The following LRRC7 variants were observed in gnomAD, a reference collection of about 807,000 sequenced individuals.
The protein encoded by LRRC7 is leucine-rich repeat-containing protein 7.
Under a neutral mutation model 175.7 loss-of-function variants are expected in LRRC7, and 23 were observed. The ratio of observed to expected loss-of-function variants is 0.13; its 90% CI spans 0.09 to 0.19. LRRC7 has a LOEUF of 0.19. LRRC7 is among the 10% of genes least tolerant of loss of function. The probability of loss-of-function intolerance (pLI) is 1.00; values close to 1 mark genes in which losing one functional copy is unlikely to be tolerated. For synonymous variants in LRRC7, 685 were observed against 680.9 expected (o/e 1.01, Z -0.09); for missense variants, 1,354 against 1,904.7 (o/e 0.71, Z 5.38).
In LRRC7 at chr1:70,130,429, G is replaced by C. The variant is rs1280443713; in HGVS notation, c.*8542G>C. On this transcript the variant is annotated 3_prime_UTR_variant, in exon 27 of 27. Coordinates refer to ENST00000651989, the MANE Select transcript of LRRC7 (RefSeq NM_001370785.2). ...AACAGCAAATTGATCTTCAGTTTGT[G>C]TAACCTTAAACTACCAACCTTTCAT... 1.3e-5 allele frequency among the ~76,000 whole-genome samples: 2 copies of C among 152,162 alleles called. No individual in the cohort carries two copies. Among genetic ancestry groups the C allele is most frequent in the Non-Finnish European group, 2.9e-5 (2 of 68,030 alleles).
chr1:69,727,989 C>T (rs975481353), intron 2 of LRRC7, among the ~76,000 whole-genome samples: 19 of 152,118 alleles, frequency 1.2e-4, no homozygotes, highest in Admixed American at 6.5e-4. Context: ...TTTTATCACC[C>T]TGTGTCTTTC....
At chr1:69,844,981 C>T (rs1682178327) in intron 7 of LRRC7, among the ~76,000 whole-genome samples, 1 of 152,060 alleles carries the variant, frequency 6.6e-6, no homozygotes, top group Non-Finnish European at 1.5e-5. Context: ...AATGCTAAGG[C>T]CATGAGGCCT....
At chr1:69,648,558 C>A (rs1430386257) in intron 1 of LRRC7, among the ~76,000 whole-genome samples, 3 of 152,162 alleles carry the variant, frequency 2.0e-5, no homozygotes, top group Admixed American at 6.6e-5. Flanking sequence ...TCTCTCCCAC[C>A]ACAGGGGCCT....
intron 7 of LRRC7, among the ~76,000 whole-genome samples, chr1:69,887,502 T>C (rs1645674686): frequency 6.7e-6 from 1 of 149,580 alleles, no homozygotes; most frequent in South Asian, 2.1e-4. Flanking sequence ...TATTGGTTAT[T>C]CTAGTTATAC....
At chr1:70,086,696 G>A (rs184985614) in intron 24 of LRRC7, among the ~76,000 whole-genome samples, 10 of 152,040 alleles carry the variant, frequency 6.6e-5, no homozygotes, top group East Asian at 1.9e-4. Context: ...CCAAAATTAC[G>A]CCACTGCACT....
intron 18 of LRRC7, among the ~76,000 whole-genome samples, chr1:70,035,446 T>A (rs1479851279): frequency 1.3e-5 from 2 of 151,956 alleles, no homozygotes; most frequent in African/African-American, 2.4e-5. Flanking sequence ...GGATATAGAA[T>A]GAAGATTTAG....
chr1:69,991,792 C>T (rs533059254), intron 10 of LRRC7, among the ~76,000 whole-genome samples: 5 of 152,098 alleles, frequency 3.3e-5, no homozygotes, highest in South Asian at 2.1e-4. Flanking sequence ...CTGCAGCTAT[C>T]GGGTATTTGA....
intron 7 of LRRC7, among the ~76,000 whole-genome samples, chr1:69,929,119 C>G (rs1333688775): frequency 1.3e-5 from 2 of 152,136 alleles, no homozygotes; most frequent in East Asian, 1.9e-4. Flanking sequence ...TCTATATTCT[C>G]AAGACCTCAC....
At chr1:69,954,239 G>A (rs1386987476) in intron 8 of LRRC7, among the ~76,000 whole-genome samples, 1 of 151,964 alleles carries the variant, frequency 6.6e-6, no homozygotes, top group Admixed American at 6.6e-5. Flanking sequence ...AAGGAAAAGG[G>A]TAGAGGAAAC....
At chr1:69,843,232 T>TAG (rs1207818096) in intron 7 of LRRC7, among the ~76,000 whole-genome samples, 2 of 151,672 alleles carry the variant, frequency 1.3e-5, no homozygotes, top group East Asian at 3.9e-4. Context: ...AAACCTAGTA[T>TAG]AGAGCATCAA....
rs187771543 is a variant in LRRC7, at chr1:69,895,002, G to T, written c.648-36505G>T. Among the ~76,000 whole-genome samples the T allele has an allele frequency of 1.2e-3, 181 of 152,306 alleles. 1 individual carries two copies. Among genetic ancestry groups the T allele is most frequent in the Non-Finnish European group, 2.6e-4 (18 of 68,022 alleles). Reference sequence around the variant, plus strand: ...AGCACTTTGGGAGGCCAAGGCAGGCGGATCACCCGAGGTCGGGAGTTCAAG... The same window carrying T: ...AGCACTTTGGGAGGCCAAGGCAGGCTGATCACCCGAGGTCGGGAGTTCAAG... On this transcript the variant is annotated intron_variant, in intron 7 of 26. Coordinates refer to ENST00000651989, the MANE Select transcript of LRRC7 (RefSeq NM_001370785.2).
intron 23 of LRRC7, among the ~76,000 whole-genome samples, chr1:70,064,854 T>C (rs1661853458): frequency 1.3e-5 from 2 of 152,138 alleles, no homozygotes; most frequent in Non-Finnish European, 2.9e-5. Flanking sequence ...GTGACCTTTG[T>C]GAATCTCAGA....
rs186825322 is a variant in LRRC7, at chr1:69,848,930, T to A, written c.647+10647T>A. On this transcript the variant is annotated intron_variant, in intron 7 of 26. Coordinates refer to ENST00000651989, the MANE Select transcript of LRRC7 (RefSeq NM_001370785.2). ...TTATAGTTTGTCCTTTCATGGATTT[T>A]AAAAAAAATCATTTTCTTACCAAAC... Among the ~76,000 whole-genome samples, 200 of 152,008 alleles carry A rather than the reference T, an allele frequency of 1.3e-3. 1 individual carries two copies. The highest frequency in any genetic ancestry group is 4.1e-3 in the African/African-American group (170 of 41,490).
chr1:69,677,136 T>A (rs1180249275), intron 1 of LRRC7, among the ~76,000 whole-genome samples: 1 of 151,088 alleles, frequency 6.6e-6, no homozygotes, highest in African/African-American at 2.4e-5. Flanking sequence ...GTGGTATATA[T>A]AAACACATAT....
intron 17 of LRRC7, among the ~76,000 whole-genome samples, chr1:70,025,680 C>A (rs1658014188): frequency 6.6e-6 from 1 of 152,002 alleles, no homozygotes; most frequent in Admixed American, 6.6e-5. Flanking sequence ...TGGATGATAG[C>A]TAGTTGGGAA....
chr1:69,601,305 C>A (rs1647061193), intron 1 of LRRC7, among the ~76,000 whole-genome samples: 1 of 152,150 alleles, frequency 6.6e-6, no homozygotes, highest in Non-Finnish European at 1.5e-5. Flanking sequence ...GTGTCTGTAT[C>A]AGCCAAACAT....
At chr1:69,827,350 T>A (rs1391164189) in intron 5 of LRRC7, among the ~76,000 whole-genome samples, 1 of 152,152 alleles carries the variant, frequency 6.6e-6, no homozygotes, top group Non-Finnish European at 1.5e-5. Context: ...TTGAGAAATT[T>A]CAAGTCTATG....
At position 70,142,483 on chromosome 1, in the gene LRRC7, A is replaced by G. The variant is rs1399744752; in HGVS notation, c.*20596A>G. On this transcript the variant is annotated 3_prime_UTR_variant, in exon 27 of 27. Coordinates refer to ENST00000651989, the MANE Select transcript of LRRC7 (RefSeq NM_001370785.2). ...CAGATAAACAGATAGTTTTTGTTTG[A>G]AGAGCCAATCAAGTTTCTCTTTGTA... The G allele has an allele frequency of 6.6e-6, 1 of 152,168 alleles. No individual in the cohort carries two copies. 9.4% of individuals were successfully genotyped at this position (152,168 alleles called of 1,614,324 possible). A position where few individuals can be genotyped will look rare whatever the true frequency, so the allele number is the denominator to read the frequency against.
At chr1:69,918,179 A>G (rs1646776289) in intron 7 of LRRC7, among the ~76,000 whole-genome samples, 1 of 152,114 alleles carries the variant, frequency 6.6e-6, no homozygotes, top group African/African-American at 2.4e-5. Context: ...GCTGTGTAGG[A>G]TGTGCTAAAC....
Sources: gnomAD v4.1 joint callset for allele counts (sites outside exome capture counted in the v4.1 genomes callset) on GRCh38, gnomAD v4.1.1 for gene constraint, MANE v1.5 for transcripts, NCBI Gene and HGNC (gene_info 2026-07-23, HGNC 2026-07-21) for gene names.